Variants in HS2ST1 observed in about 807,000 individuals in gnomAD.
HS2ST1 encodes the protein heparan sulfate 2-O-sulfotransferase 1, also known as 2-O-sulfotransferase.
A neutral mutation model predicts 42.9 loss-of-function variants in HS2ST1; 18 were observed. That is an observed-to-expected ratio of 0.42 (90% CI 0.29 to 0.62). HS2ST1 has a LOEUF of 0.62. Among genes scored for constraint, HS2ST1 ranks in the 20% least tolerant of loss-of-function variants. The pLI is 0.21. For synonymous variants in HS2ST1, 146 were observed against 152.9 expected (o/e 0.95, Z 0.33); for missense variants, 334 against 433.8 (o/e 0.77, Z 2.04).
Position 87,103,529 on chromosome 1 carries a change from A to G in HS2ST1, c.784A>G (p.Met262Val). 1 of 1,612,610 alleles carries G rather than the reference A, an allele frequency of 6.2e-7. No individual in the cohort carries two copies. Among genetic ancestry groups the G allele is most frequent in the Non-Finnish European group, 8.5e-7 (1 of 1,179,334 alleles). Residue 262 changes from methionine to valine, a missense_variant, in exon 6 of 7, where the codon ATG becomes GTG. Transcript: ENST00000370550. ...TACTGAAGAACTTGAAGATTTTATCATGTTATTGGAGGCAGCATTGCCCCG... is the reference window on the plus strand; with the variant it reads ...TACTGAAGAACTTGAAGATTTTATCGTGTTATTGGAGGCAGCATTGCCCCG... ...GVTEELEDFI[M>V]LLEAALPRFF...
chr1:86,976,000 T>G (rs984905342), intron 1 of HS2ST1, among the ~76,000 whole-genome samples: 2 of 152,198 alleles, frequency 1.3e-5, no homozygotes, highest in African/African-American at 4.8e-5. Context: ...AAATGTATCT[T>G]TGGTATTTTT....
intron 1 of HS2ST1, among the ~76,000 whole-genome samples, chr1:86,989,761 C>T (rs993903314): frequency 2.0e-5 from 3 of 152,164 alleles, no homozygotes; most frequent in Admixed American, 1.3e-4. Context: ...TGATATTCCC[C>T]TCCCTGTGTC....
At chr1:87,013,213 A>G (rs1334471159) in intron 1 of HS2ST1, among the ~76,000 whole-genome samples, 2 of 152,180 alleles carry the variant, frequency 1.3e-5, no homozygotes, top group African/African-American at 2.4e-5. Context: ...GAGGTTCTCT[A>G]TGAGGGCCCC....
chr1:87,049,504 C>T (rs116675440), intron 1 of HS2ST1, among the ~76,000 whole-genome samples: 3,640 of 151,822 alleles, frequency 0.024, 46 homozygotes, highest in South Asian at 0.054. Flanking sequence ...TTCTACTTTC[C>T]TTTTTGTTTT....
intron 1 of HS2ST1, among the ~76,000 whole-genome samples, chr1:86,923,615 C>A (rs939373107): frequency 1.3e-5 from 2 of 152,180 alleles, no homozygotes; most frequent in Non-Finnish European, 2.9e-5. Context: ...CCAGGCTGGT[C>A]TTGATCTCCT....
chr1:87,029,828 T>C (rs1650184981), intron 1 of HS2ST1, among the ~76,000 whole-genome samples: 1 of 152,088 alleles, frequency 6.6e-6, no homozygotes, highest in African/African-American at 2.4e-5. Flanking sequence ...AGAAGGTGAA[T>C]AAACATATTC....
At chr1:87,046,148 C>T (rs533029867) in intron 1 of HS2ST1, 5 of 731,318 alleles carry the variant, frequency 6.8e-6, no homozygotes, top group Non-Finnish European at 1.0e-5. Flanking sequence ...ACAGAGCTGC[C>T]CAAAACCGTG....
At chr1:87,074,784 A>C (rs1426789449) in intron 2 of HS2ST1, among the ~76,000 whole-genome samples, 2 of 152,204 alleles carry the variant, frequency 1.3e-5, no homozygotes, top group Non-Finnish European at 2.9e-5. Flanking sequence ...TGTGTGGGGC[A>C]GCGCAGAAGA....
chr1:86,963,744 GC>G (rs370405012), intron 1 of HS2ST1, among the ~76,000 whole-genome samples: 100,369 of 127,212 alleles, frequency 0.79, 39,701 homozygotes, highest in East Asian at 0.96. Flanking sequence ...AGGCAGAGGC[GC>G]CCCCCCCCCC....
At chr1:86,930,887 G>A (rs1660528017) in intron 1 of HS2ST1, among the ~76,000 whole-genome samples, 1 of 151,964 alleles carries the variant, frequency 6.6e-6, no homozygotes. Flanking sequence ...AGGCAGAGAG[G>A]TGAAGAAAGG....
At chr1:87,022,021 G>T (rs891155076) in intron 1 of HS2ST1, among the ~76,000 whole-genome samples, 21 of 152,128 alleles carry the variant, frequency 1.4e-4, no homozygotes, top group African/African-American at 5.1e-4. Flanking sequence ...GAGGTATCAG[G>T]TATACTGTTT....
chr1:87,036,568 T>C (rs923929524), intron 1 of HS2ST1, among the ~76,000 whole-genome samples: 2 of 152,128 alleles, frequency 1.3e-5, no homozygotes, highest in Non-Finnish European at 2.9e-5. Context: ...ATGGACTAGG[T>C]TATAGGAATG....
intron 3 of HS2ST1, among the ~76,000 whole-genome samples, chr1:87,091,053 G>GTTA (rs1651927236): frequency 6.6e-6 from 1 of 151,842 alleles, no homozygotes; most frequent in Non-Finnish European, 1.5e-5. Flanking sequence ...TTTACCATCT[G>GTTA]TTATATATGC....
chr1:87,100,271 C>G (rs1322741577), intron 5 of HS2ST1, among the ~76,000 whole-genome samples: 1 of 152,168 alleles, frequency 6.6e-6, no homozygotes, highest in Non-Finnish European at 1.5e-5. Context: ...CATCTGCAGA[C>G]TTAACACCAC....
At chr1:87,044,198 T>C (rs1393463873) in intron 1 of HS2ST1, among the ~76,000 whole-genome samples, 1 of 152,182 alleles carries the variant, frequency 6.6e-6, no homozygotes. Context: ...ACCGACATTT[T>C]TGGACATTAC....
At chr1:86,946,655 T>G (rs887244035) in intron 1 of HS2ST1, among the ~76,000 whole-genome samples, 4 of 152,210 alleles carry the variant, frequency 2.6e-5, no homozygotes, top group African/African-American at 9.7e-5. Flanking sequence ...GCATCTTTAA[T>G]CAGTAAGCAT....
Position 87,104,933 on chromosome 1 carries a change from C to T in HS2ST1, c.*237C>T. 2.4e-6 allele frequency: 1 copy of T among 424,892 alleles called. No homozygotes were observed. Among genetic ancestry groups the T allele is most frequent in the East Asian group, 3.8e-5 (1 of 26,210 alleles). The allele number at this position is 424,892 out of a possible 1,614,324, so 26.3% of individuals were successfully genotyped here. A position where few individuals can be genotyped will look rare whatever the true frequency, so the allele number is the denominator to read the frequency against. On this transcript the variant is annotated 3_prime_UTR_variant, in exon 7 of 7. Coordinates refer to ENST00000370550, the MANE Select transcript of HS2ST1 (RefSeq NM_012262.4). The stretch of plus-strand genomic sequence containing the variant: ...CGTTGGTGAAAGTTATAACCTCCTG[C>T]CTGGGAGAAAATATACATCACCTAA...
intron 1 of HS2ST1, among the ~76,000 whole-genome samples, chr1:86,945,949 A>G (rs753192781): frequency 6.6e-6 from 1 of 152,218 alleles, no homozygotes; most frequent in African/African-American, 2.4e-5. Flanking sequence ...TCTTTAAAAC[A>G]AAATTCAAGT....
intron 1 of HS2ST1, among the ~76,000 whole-genome samples, chr1:86,977,227 CT>C (rs1408712183): frequency 1.3e-5 from 2 of 151,976 alleles, no homozygotes; most frequent in East Asian, 3.9e-4. Context: ...CATACTAAAG[CT>C]TAATTTTTTT....
Sources: allele counts gnomAD v4.1 joint callset (sites outside exome capture counted in the v4.1 genomes callset), GRCh38; gene constraint gnomAD v4.1.1; transcripts MANE v1.5; gene names NCBI Gene and HGNC (gene_info 2026-07-23, HGNC 2026-07-21).